The following GALNT13 variants were observed in gnomAD, a reference collection of about 807,000 sequenced individuals.
GALNT13 encodes UDP-GalNAc:polypeptide N-acetylgalactosaminyltransferase 13.
Under a neutral mutation model 64.2 loss-of-function variants are expected in GALNT13, and 28 were observed. That is an observed-to-expected ratio of 0.44 (90% CI 0.32 to 0.60). The LOEUF is 0.60. GALNT13 is among the 20% of genes least tolerant of loss of function. The pLI is 0.05. For synonymous variants in GALNT13, 214 were observed against 224.6 expected (o/e 0.95, Z 0.42); for missense variants, 577 against 669.8 (o/e 0.86, Z 1.53).
At chr2:153,777,980 T>C in the GALNT13 span, among the ~76,000 whole-genome samples, 89 of 152,284 alleles carry the variant, frequency 5.8e-4, no homozygotes, top group African/African-American at 2.1e-3. Flanking sequence ...TGAGTGGAAG[T>C]AGTTCTCAGC....
the GALNT13 span, among the ~76,000 whole-genome samples, chr2:153,854,850 A>C: frequency 6.6e-6 from 1 of 152,202 alleles, no homozygotes; most frequent in Admixed American, 6.5e-5. Context: ...CAAAATAATC[A>C]GTTCAATTTT....
chr2:154,290,239 T>G (rs573811333), intron 8 of GALNT13, among the ~76,000 whole-genome samples: 1 of 152,148 alleles, frequency 6.6e-6, no homozygotes. Context: ...GAATTATCAC[T>G]GAAACAAAGC....
At chr2:153,757,776 G>A in the GALNT13 span, among the ~76,000 whole-genome samples, 4 of 152,200 alleles carry the variant, frequency 2.6e-5, no homozygotes, top group East Asian at 7.7e-4. Context: ...CCATTTGAAT[G>A]TCTTCTTTTA....
the GALNT13 span, among the ~76,000 whole-genome samples, chr2:153,631,333 G>A: frequency 1.3e-5 from 2 of 152,116 alleles, no homozygotes; most frequent in Admixed American, 6.6e-5. Context: ...CCCAGTAATG[G>A]GATGGCTGGG....
chr2:153,092,406 A>G, the GALNT13 span, among the ~76,000 whole-genome samples: 1 of 152,122 alleles, frequency 6.6e-6, no homozygotes, highest in African/African-American at 2.4e-5. Context: ...TAGGGATTAC[A>G]TTGAGTCTGT....
chr2:153,326,414 C>G, the GALNT13 span, among the ~76,000 whole-genome samples: 1 of 151,538 alleles, frequency 6.6e-6, no homozygotes, highest in Middle Eastern at 3.2e-3. Context: ...GAACACAACA[C>G]ACGATGGTTC....
intron 4 of GALNT13, among the ~76,000 whole-genome samples, chr2:154,156,122 A>G (rs568353229): frequency 6.6e-6 from 1 of 152,046 alleles, no homozygotes; most frequent in East Asian, 1.9e-4. Flanking sequence ...ATGTCATAGG[A>G]GACTTTCTGG....
intron 9 of GALNT13, among the ~76,000 whole-genome samples, chr2:154,331,078 T>G (rs903342984): frequency 1.3e-5 from 2 of 152,108 alleles, no homozygotes; most frequent in Admixed American, 6.6e-5. Context: ...TACAGCTCAT[T>G]ATACATATTC....
chr2:154,111,067 A>G (rs113781923), intron 3 of GALNT13, among the ~76,000 whole-genome samples: 10,942 of 152,018 alleles, frequency 0.072, 475 homozygotes, highest in Middle Eastern at 0.14. Flanking sequence ...TGTTTTTAAC[A>G]AAAGAAGGAG....
At chr2:153,781,865 C>A in the GALNT13 span, among the ~76,000 whole-genome samples, 1 of 152,110 alleles carries the variant, frequency 6.6e-6, no homozygotes, top group Non-Finnish European at 1.5e-5. Flanking sequence ...TGGAAAATGT[C>A]ACTTCCAAGA....
the GALNT13 span, among the ~76,000 whole-genome samples, chr2:153,520,234 T>C: frequency 6.6e-6 from 1 of 152,352 alleles, no homozygotes; most frequent in African/African-American, 2.4e-5. Context: ...AAGGAATGGA[T>C]AATTGTTGCA....
intron 8 of GALNT13, among the ~76,000 whole-genome samples, chr2:154,270,122 A>G (rs1015129135): frequency 6.6e-6 from 1 of 151,512 alleles, no homozygotes; most frequent in Non-Finnish European, 1.5e-5. Flanking sequence ...CTTTAGAAGA[A>G]CATTAGCAAA....
intron 11 of GALNT13, chr2:154,409,381 A>G (rs2105393466): frequency 3.3e-6 from 1 of 301,464 alleles, no homozygotes; most frequent in East Asian, 7.6e-5. Flanking sequence ...ATTTTATTCT[A>G]TTAACTGAAT....
the GALNT13 span, among the ~76,000 whole-genome samples, chr2:153,072,752 T>C: frequency 6.6e-6 from 1 of 152,206 alleles, no homozygotes; most frequent in African/African-American, 2.4e-5. Flanking sequence ...GCACTTTGAC[T>C]CTTGTAATAT....
intron 4 of GALNT13, among the ~76,000 whole-genome samples, chr2:154,199,911 T>C (rs1687081826): frequency 6.6e-6 from 1 of 152,070 alleles, no homozygotes; most frequent in South Asian, 2.1e-4. Context: ...GCATAATAAA[T>C]TATTCAGAGA....
At chr2:153,631,078 G>A in the GALNT13 span, among the ~76,000 whole-genome samples, 2 of 151,602 alleles carry the variant, frequency 1.3e-5, no homozygotes, top group African/African-American at 4.8e-5. Context: ...TTCTCTCCTT[G>A]TGATAGTTTG....
At chr2:153,765,401 C>T in the GALNT13 span, among the ~76,000 whole-genome samples, 1 of 152,188 alleles carries the variant, frequency 6.6e-6, no homozygotes, top group Non-Finnish European at 1.5e-5. Context: ...GTAATGACTG[C>T]CCTATTGGGT....
chr2:153,814,365 G>A, the GALNT13 span, among the ~76,000 whole-genome samples: 8 of 152,144 alleles, frequency 5.3e-5, no homozygotes, highest in African/African-American at 1.4e-4. Context: ...GCGTGAACCC[G>A]GGAGGCGGAG....
chr2:154,408,939 G>A (rs372539793), intron 10 of GALNT13, 45 bp from the exon 11 acceptor site: 27 of 1,170,658 alleles, frequency 2.3e-5, no homozygotes, highest in African/African-American at 1.5e-4. Flanking sequence ...TTAAATAACT[G>A]TCTGATTTAT....
Sources: gnomAD v4.1 joint callset for allele counts (sites outside exome capture counted in the v4.1 genomes callset) on GRCh38, gnomAD v4.1.1 for gene constraint, MANE v1.5 for transcripts, NCBI Gene and HGNC (gene_info 2026-07-23, HGNC 2026-07-21) for gene names.